The following CCS variants were observed in gnomAD, a reference collection of about 807,000 sequenced individuals.
CCS encodes the protein copper chaperone for superoxide dismutase.
A neutral mutation model predicts 35.5 loss-of-function variants in CCS; 32 were observed. The ratio of observed to expected loss-of-function variants is 0.90; its 90% CI spans 0.68 to 1.21. CCS has a LOEUF of 1.21. Among genes scored for constraint, CCS ranks in the 50% most tolerant of loss-of-function variants. The probability of loss-of-function intolerance (pLI) is 0.00; values close to 1 mark genes in which losing one functional copy is unlikely to be tolerated. For missense variants in CCS, 342 were observed against 375.4 expected (o/e 0.91, Z 0.73); for synonymous variants, 130 against 147.2 (o/e 0.88, Z 0.84).
chr11:66,593,807 G>A, intron 2 of CCS, 93 bp downstream of exon 2: 2 of 1,164,832 alleles, frequency 1.7e-6, no homozygotes. Flanking sequence ...CCATTTTACA[G>A]ATGCAGAAAG....
In CCS at chr11:66,599,171, T is replaced by C. The variant is rs778751146; in HGVS notation, c.168T>C (p.Thr56=). The change falls in exon 3 of 8, where the codon ACT becomes ACC. Residue 56 remains threonine (T), a synonymous_variant. Transcript: ENST00000533244. The part of the protein sequence containing the change: ...LEDQMVLVHT[T]LPSQEVQALL... ...ACCAGATGGTCTTGGTACACACCAC[T>C]CTACCCAGCCAGGAGGTGCAGGCTC... 6.2e-6 allele frequency: 10 copies of C among 1,614,086 alleles called. No homozygotes were observed. The highest frequency in any genetic ancestry group is 8.5e-6 in the Non-Finnish European group (10 of 1,180,016).
At chr11:66,605,073 T>C in intron 5 of CCS, 3 of 1,415,750 alleles carry the variant, frequency 2.1e-6, no homozygotes, top group Non-Finnish European at 2.8e-6. Context: ...TTCAGCCCAC[T>C]GTCATCCTGC....
chr11:66,603,408 C>T (rs971834015), intron 5 of CCS, among the ~76,000 whole-genome samples: 3 of 152,004 alleles, frequency 2.0e-5, no homozygotes, highest in African/African-American at 7.2e-5. Flanking sequence ...AACCCTGTCT[C>T]TACTAAAAAT....
intron 2 of CCS, 57 bp downstream of exon 2, chr11:66,593,771 G>A (rs780188780): frequency 9.9e-6 from 15 of 1,513,720 alleles, no homozygotes; most frequent in Non-Finnish European, 1.2e-5. Context: ...GAGGGACCAG[G>A]CGAATCTATT....
At chr11:66,597,751 CAA>C (rs1313468590) in intron 2 of CCS, among the ~76,000 whole-genome samples, 15 of 122,014 alleles carry the variant, frequency 1.2e-4, no homozygotes, top group Non-Finnish European at 1.2e-4. Flanking sequence ...GACTCTGTCT[CAA>C]AAAAAAAAAA....
At chr11:66,604,746 A>G (rs1858627256) in intron 5 of CCS, among the ~76,000 whole-genome samples, 1 of 152,148 alleles carries the variant, frequency 6.6e-6, no homozygotes, top group Non-Finnish European at 1.5e-5. Flanking sequence ...AATTTTTATT[A>G]CCGTCAAAGG....
At chr11:66,595,440 T>A (rs1590827834) in intron 2 of CCS, among the ~76,000 whole-genome samples, 1 of 152,158 alleles carries the variant, frequency 6.6e-6, no homozygotes, top group East Asian at 1.9e-4. Context: ...CTCAGCATGT[T>A]TCTTAGGCAA....
intron 2 of CCS, among the ~76,000 whole-genome samples, chr11:66,594,276 G>T (rs1319270444): frequency 6.6e-6 from 1 of 152,012 alleles, no homozygotes; most frequent in East Asian, 1.9e-4. Flanking sequence ...GGAGAATGGC[G>T]TGAACCCGGG....
intron 2 of CCS, among the ~76,000 whole-genome samples, chr11:66,597,848 G>A (rs1858505146): frequency 6.6e-6 from 1 of 151,998 alleles, no homozygotes; most frequent in African/African-American, 2.4e-5. Context: ...TTGAACCCAG[G>A]AGGCAGAGGT....
At chr11:66,595,617 C>T (rs1033918210) in intron 2 of CCS, among the ~76,000 whole-genome samples, 1 of 151,932 alleles carries the variant, frequency 6.6e-6, no homozygotes, top group Non-Finnish European at 1.5e-5. Context: ...AGGAGGATCC[C>T]CCAGCCCAAG....
chr11:66,599,932 A>T (rs1463050589), intron 4 of CCS: 1 of 303,942 alleles, frequency 3.3e-6, no homozygotes, highest in Non-Finnish European at 6.2e-6. Context: ...CCTGGCCAAC[A>T]TGGTGAAACC....
intron 2 of CCS, among the ~76,000 whole-genome samples, chr11:66,598,470 T>C (rs1210358004): frequency 1.3e-5 from 2 of 148,508 alleles, no homozygotes; most frequent in Non-Finnish European, 3.0e-5. Context: ...GCTGAGATCG[T>C]GCCACTGCAC....
At chr11:66,604,169 G>A (rs1173603008) in intron 5 of CCS, among the ~76,000 whole-genome samples, 1 of 152,114 alleles carries the variant, frequency 6.6e-6, no homozygotes, top group East Asian at 1.9e-4. Flanking sequence ...AGCAGAGACT[G>A]CAGTGAGCCG....
intron 1 of CCS, 68 bp from the exon 2 acceptor site, chr11:66,593,574 G>A: frequency 6.6e-7 from 1 of 1,510,412 alleles, no homozygotes; most frequent in Non-Finnish European, 9.1e-7. Flanking sequence ...CATAGGGTAG[G>A]TGGTGAAACA....
At chr11:66,603,040 G>A (rs1435521753) in intron 5 of CCS, among the ~76,000 whole-genome samples, 1 of 152,228 alleles carries the variant, frequency 6.6e-6, no homozygotes, top group African/African-American at 2.4e-5. Flanking sequence ...GACTGCACTA[G>A]AAGGATTGTT....
At position 66,605,953 on chromosome 11, in the gene CCS, G is replaced by A; in HGVS notation, c.*98G>A. 3 of 1,288,260 alleles carry A rather than the reference G, an allele frequency of 2.3e-6. No individual in the cohort carries two copies. The highest frequency in any genetic ancestry group is 3.1e-6 in the Non-Finnish European group (3 of 971,164). The allele number at this position is 1,288,260 out of a possible 1,614,324, so 79.8% of individuals were successfully genotyped here. A position where few individuals can be genotyped will look rare whatever the true frequency, so the allele number is the denominator to read the frequency against. On this transcript the variant is annotated 3_prime_UTR_variant, in exon 8 of 8. Coordinates refer to ENST00000533244, the MANE Select transcript of CCS (RefSeq NM_005125.2). ...ACTTTGCCTGCCCAGTCTTTGGAGA[G>A]CTCAGTACAGGGCAGGAGCTGCTGT...
At chr11:66,596,321 C>T (rs1313457133) in intron 2 of CCS, among the ~76,000 whole-genome samples, 1 of 152,012 alleles carries the variant, frequency 6.6e-6, no homozygotes, top group African/African-American at 2.4e-5. Flanking sequence ...CCTGCCTCAA[C>T]CTCCCAAAGT....
In CCS at chr11:66,597,708, C is replaced by T. The variant is rs370964751; in HGVS notation, c.113-1408C>T. Among the ~76,000 whole-genome samples the T allele has an allele frequency of 3.9e-3, 573 of 147,838 alleles. 3 individuals are homozygous for T. Among genetic ancestry groups the T allele is most frequent in the African/African-American group, 0.013 (527 of 39,884 alleles). ...TGAAGCTTGCAGTGAGCCCAGATGG[C>T]GCCACTGCACTCCAGCCTGGGCGAC... On this transcript the variant is annotated intron_variant, in intron 2 of 7. Transcript: ENST00000533244.
intron 1 of CCS, 53 bp downstream of exon 1, chr11:66,593,353 TG>T: frequency 6.9e-7 from 1 of 1,456,232 alleles, no homozygotes; most frequent in Non-Finnish European, 9.1e-7. Flanking sequence ...CCTCGGCCCC[TG>T]GGATGATCGT....
Sources: gnomAD v4.1 joint callset for allele counts (sites outside exome capture counted in the v4.1 genomes callset) on GRCh38, gnomAD v4.1.1 for gene constraint, MANE v1.5 for transcripts, NCBI Gene and HGNC (gene_info 2026-07-23, HGNC 2026-07-21) for gene names.